The following LINGO2 variants were observed in gnomAD, a reference collection of about 807,000 sequenced individuals.
The protein encoded by LINGO2 is leucine rich repeat and Ig domain containing 2, also known as leucine-rich repeat and immunoglobulin-like domain-containing nogo receptor-interacting protein 2.
LINGO2 carries 14 observed loss-of-function variants against 30.6 expected under a neutral mutation model. The ratio of observed to expected loss-of-function variants is 0.46; its 90% CI spans 0.30 to 0.72. The LOEUF (loss-of-function observed/expected upper bound fraction) is 0.72. Among genes scored for constraint, LINGO2 ranks in the 30% least tolerant of loss-of-function variants. The probability of loss-of-function intolerance (pLI) is 0.07; values close to 1 mark genes in which losing one functional copy is unlikely to be tolerated. For missense variants in LINGO2, 729 were observed against 751.7 expected (o/e 0.97, Z 0.35); for synonymous variants, 317 against 288.5 (o/e 1.10, Z -1.00).
the LINGO2 span, chr9:27,938,914 G>T: frequency 6.6e-6 from 1 of 152,116 alleles, no homozygotes; most frequent in African/African-American, 2.4e-5. Context: ...CAAAGCTAGA[G>T]AAATCTGATT....
intron 2 of LINGO2, among the ~76,000 whole-genome samples, chr9:28,407,405 G>A (rs1822558494): frequency 6.6e-6 from 1 of 152,080 alleles, no homozygotes; most frequent in South Asian, 2.1e-4. Context: ...ACTATTCAAA[G>A]GTTATTATTG....
chr9:28,522,904 T>A (rs1256448924), intron 1 of LINGO2, among the ~76,000 whole-genome samples: 1 of 150,300 alleles, frequency 6.7e-6, no homozygotes, highest in African/African-American at 2.4e-5. Flanking sequence ...AATATGGGAA[T>A]AAGTTCTAAG....
At chr9:28,748,733 C>T in the LINGO2 span, among the ~76,000 whole-genome samples, 1 of 151,978 alleles carries the variant, frequency 6.6e-6, no homozygotes, top group South Asian at 2.1e-4. Flanking sequence ...TTTATGAACT[C>T]ATTAGAACAA....
intron 4 of LINGO2, among the ~76,000 whole-genome samples, chr9:28,012,871 A>G (rs10125934): frequency 0.022 from 3,362 of 152,238 alleles, 118 homozygotes; most frequent in African/African-American, 0.076. Context: ...CACCTTCTCT[A>G]AATTCCTGTT....
chr9:28,117,765 CG>C (rs1563984503), intron 4 of LINGO2, among the ~76,000 whole-genome samples: 2 of 148,854 alleles, frequency 1.3e-5, no homozygotes, highest in African/African-American at 2.5e-5. Context: ...TGCCCTGCTT[CG>C]GCTCGCGGAC....
intron 5 of LINGO2, among the ~76,000 whole-genome samples, chr9:27,961,060 A>G (rs1283983108): frequency 6.6e-6 from 1 of 152,204 alleles, no homozygotes; most frequent in African/African-American, 2.4e-5. Context: ...GAGTGCCCAT[A>G]CAACCATTCT....
At chr9:28,253,588 G>A (rs1009765089) in intron 4 of LINGO2, among the ~76,000 whole-genome samples, 7 of 152,068 alleles carry the variant, frequency 4.6e-5, no homozygotes, top group African/African-American at 1.4e-4. Context: ...GAAATTAAAT[G>A]CATGTTAAAT....
intron 1 of LINGO2, among the ~76,000 whole-genome samples, chr9:28,658,208 A>C (rs1393055050): frequency 1.3e-5 from 2 of 152,066 alleles, no homozygotes; most frequent in Admixed American, 1.3e-4. Context: ...CTTGAGAAAA[A>C]TGTGTATTCT....
At chr9:29,012,056 C>G in the LINGO2 span, among the ~76,000 whole-genome samples, 1 of 152,038 alleles carries the variant, frequency 6.6e-6, no homozygotes, top group African/African-American at 2.4e-5. Context: ...ATAATCAAAA[C>G]AACTTTAAAA....
At chr9:28,480,169 G>C (rs1421708606) in intron 1 of LINGO2, among the ~76,000 whole-genome samples, 2 of 151,460 alleles carry the variant, frequency 1.3e-5, no homozygotes, top group African/African-American at 4.8e-5. Flanking sequence ...TAACAACACA[G>C]GAAAGACAAG....
At chr9:28,687,758 T>G in the LINGO2 span, among the ~76,000 whole-genome samples, 1 of 152,296 alleles carries the variant, frequency 6.6e-6, no homozygotes, top group East Asian at 1.9e-4. Context: ...GATTTTTTTT[T>G]GTTTATTTTT....
chr9:28,717,170 C>A, the LINGO2 span, among the ~76,000 whole-genome samples: 1 of 151,814 alleles, frequency 6.6e-6, no homozygotes, highest in Non-Finnish European at 1.5e-5. Flanking sequence ...CAGAAAACTG[C>A]AGACTAATGG....
the LINGO2 span, among the ~76,000 whole-genome samples, chr9:29,001,541 C>A: frequency 6.6e-6 from 1 of 152,006 alleles, no homozygotes; most frequent in South Asian, 2.1e-4. Context: ...AGCAACTTCA[C>A]TTCCTTGCTA....
the LINGO2 span, among the ~76,000 whole-genome samples, chr9:28,689,164 G>A: frequency 6.6e-6 from 1 of 152,260 alleles, no homozygotes; most frequent in South Asian, 2.1e-4. Context: ...AAGTTCACAT[G>A]TCAAAGAACT....
At chr9:28,817,558 A>C in the LINGO2 span, among the ~76,000 whole-genome samples, 4 of 152,176 alleles carry the variant, frequency 2.6e-5, no homozygotes, top group African/African-American at 7.2e-5. Context: ...CCCACTTTTC[A>C]AAGTTTCAAT....
chr9:28,350,517 A>G (rs1470605561), intron 3 of LINGO2, among the ~76,000 whole-genome samples: 2 of 144,844 alleles, frequency 1.4e-5, no homozygotes, highest in East Asian at 4.1e-4. Context: ...TGAGTGACCT[A>G]CAAAGAGACT....
chr9:28,957,761 C>T, the LINGO2 span, among the ~76,000 whole-genome samples: 1 of 152,134 alleles, frequency 6.6e-6, no homozygotes, highest in Non-Finnish European at 1.5e-5. Context: ...AAAGTAAAAT[C>T]TACCTGAAGA....
intron 1 of LINGO2, among the ~76,000 whole-genome samples, chr9:28,610,240 A>C (rs1254882060): frequency 2.0e-5 from 3 of 152,172 alleles, no homozygotes; most frequent in Non-Finnish European, 4.4e-5. Context: ...TACACTTTTA[A>C]AATATGAATA....
chr9:28,378,118 T>C (rs1821201577), intron 2 of LINGO2, among the ~76,000 whole-genome samples: 1 of 152,194 alleles, frequency 6.6e-6, no homozygotes, highest in Non-Finnish European at 1.5e-5. Context: ...CTACACTGCA[T>C]CAAAGGCTTA....
Sources: gnomAD v4.1 joint callset for allele counts (sites outside exome capture counted in the v4.1 genomes callset) on GRCh38, gnomAD v4.1.1 for gene constraint, MANE v1.5 for transcripts, NCBI Gene and HGNC (gene_info 2026-07-23, HGNC 2026-07-21) for gene names.